The following FRAS1 variants were observed in gnomAD, a reference collection of about 807,000 sequenced individuals.
FRAS1 encodes Fraser extracellular matrix complex subunit 1.
FRAS1 carries 290 observed loss-of-function variants against 435.2 expected under a neutral mutation model. The observed-to-expected ratio is 0.67, with a 90% CI of 0.61 to 0.73. The LOEUF (loss-of-function observed/expected upper bound fraction) is 0.73, where lower values mean the gene tolerates loss of function less well. FRAS1 is among the 30% of genes least tolerant of loss of function. FRAS1 has a pLI of 0.00. For missense variants in FRAS1, 4,860 were observed against 5,001.5 expected (o/e 0.97, Z 0.85); for synonymous variants, 1,800 against 1,851.0 (o/e 0.97, Z 0.71).
At chr4:78,142,191 G>A (rs573421119) in intron 2 of FRAS1, among the ~76,000 whole-genome samples, 9 of 152,028 alleles carry the variant, frequency 5.9e-5, no homozygotes, top group South Asian at 4.2e-4. Flanking sequence ...CTAGACTTTC[G>A]TTTGAGAACT....
chr4:78,408,833 T>C (rs779985106), intron 31 of FRAS1, among the ~76,000 whole-genome samples: 17 of 152,100 alleles, frequency 1.1e-4, no homozygotes, highest in Non-Finnish European at 1.2e-4. Context: ...ACAAGAAGTA[T>C]ACTGCATAGG....
rs777174507 is a variant in FRAS1 at position 78,466,204 on chromosome 4, A to G, written c.7030-4A>G. On this transcript the variant is annotated splice_region_variant and splice_polypyrimidine_tract_variant and intron_variant, in intron 49 of 73. Transcript: ENST00000512123. ...TCCCCTCTGGTATTTTGCCTTCCGG[A>G]CAGGCCGAGTCTGTCACATTCACCA... 1.2e-6 allele frequency: 2 copies of G among 1,613,254 alleles called. No homozygotes were observed. Among genetic ancestry groups the G allele is most frequent in the Middle Eastern group, 1.7e-4 (1 of 6,056 alleles).
At chr4:78,154,170 G>T (rs1246846434) in intron 2 of FRAS1, among the ~76,000 whole-genome samples, 1 of 151,956 alleles carries the variant, frequency 6.6e-6, no homozygotes, top group African/African-American at 2.4e-5. Context: ...CTAATATATG[G>T]CATGTTCTTT....
intron 6 of FRAS1, among the ~76,000 whole-genome samples, chr4:78,260,708 C>CT (rs1480851666): frequency 2.0e-5 from 3 of 152,090 alleles, no homozygotes; most frequent in African/African-American, 7.2e-5. Flanking sequence ...CTTCTCCTGC[C>CT]TAATTACCCT....
intron 2 of FRAS1, among the ~76,000 whole-genome samples, chr4:78,231,916 T>G (rs1372161016): frequency 6.6e-6 from 1 of 152,206 alleles, no homozygotes; most frequent in Non-Finnish European, 1.5e-5. Flanking sequence ...CTTTTTAGGC[T>G]TGTCATAATC....
At chr4:78,470,885 T>C (rs932992575) in intron 51 of FRAS1, among the ~76,000 whole-genome samples, 14 of 152,294 alleles carry the variant, frequency 9.2e-5, no homozygotes, top group Admixed American at 3.9e-4. Flanking sequence ...AGAAATTGAA[T>C]ACATCCCTTG....
intron 14 of FRAS1, among the ~76,000 whole-genome samples, chr4:78,306,037 A>C (rs1469527982): frequency 6.7e-6 from 1 of 149,674 alleles, no homozygotes; most frequent in Non-Finnish European, 1.5e-5. Flanking sequence ...TTCCTTCAGG[A>C]GCTCTTTTAT....
chr4:78,138,315 T>C (rs1315331452), intron 2 of FRAS1, among the ~76,000 whole-genome samples: 1 of 152,200 alleles, frequency 6.6e-6, no homozygotes, highest in African/African-American at 2.4e-5. Context: ...AGGAAGGCCA[T>C]AGAAGCATTT....
rs187766388 is a variant in FRAS1, at chr4:78,075,261, G to C, written c.108+9245G>C. ...ACATGAAAACATGATCTCTGGAGGT[G>C]CTGCAACCATTAGAATACCTAGCTG... On this transcript the variant is annotated intron_variant, in intron 2 of 73. Transcript: ENST00000512123. 1.2e-3 allele frequency among the ~76,000 whole-genome samples: 189 copies of C among 152,250 alleles called. 3 individuals carry two copies. The highest frequency in any genetic ancestry group is 4.4e-3 in the African/African-American group (183 of 41,562).
chr4:78,472,843 G>A (rs138381102), intron 52 of FRAS1, among the ~76,000 whole-genome samples: 57 of 152,244 alleles, frequency 3.7e-4, no homozygotes, highest in African/African-American at 1.3e-3. Context: ...GGCTCCTCTA[G>A]ACTTTTTTCA....
chr4:78,073,629 C>A (rs1740475478), intron 2 of FRAS1, among the ~76,000 whole-genome samples: 1 of 151,974 alleles, frequency 6.6e-6, no homozygotes, highest in Non-Finnish European at 1.5e-5. Context: ...GTATAAATCC[C>A]CATAATAGAA....
intron 55 of FRAS1, 74 bp downstream of exon 55, chr4:78,478,135 C>A (rs960294715): frequency 2.8e-6 from 4 of 1,434,032 alleles, no homozygotes; most frequent in Non-Finnish European, 3.7e-6. Context: ...ATGTGCTAAG[C>A]ACTCATCTCA....
At chr4:78,419,504 T>C (rs965814366) in intron 33 of FRAS1, among the ~76,000 whole-genome samples, 2 of 152,160 alleles carry the variant, frequency 1.3e-5, no homozygotes, top group Non-Finnish European at 2.9e-5. Context: ...CATATTCAGT[T>C]CCTTCCCCGA....
intron 4 of FRAS1, among the ~76,000 whole-genome samples, chr4:78,249,320 A>AG (rs1204580549): frequency 2.7e-5 from 3 of 109,408 alleles, no homozygotes; most frequent in Admixed American, 1.2e-4. Flanking sequence ...CAAGCAGTGG[A>AG]GCCTTTTTTT....
At chr4:78,252,800 A>G (rs1725605010) in intron 5 of FRAS1, among the ~76,000 whole-genome samples, 1 of 152,168 alleles carries the variant, frequency 6.6e-6, no homozygotes, top group African/African-American at 2.4e-5. Flanking sequence ...AGATTTTAAA[A>G]GGAGAGGGGG....
chr4:78,217,494 G>A (rs116824101), intron 2 of FRAS1, among the ~76,000 whole-genome samples: 100 of 152,200 alleles, frequency 6.6e-4, no homozygotes, highest in African/African-American at 2.3e-3. Context: ...AGAGTGCCCT[G>A]GACCAGAGGT....
chr4:78,505,092 T>A (rs1157313561), intron 61 of FRAS1, among the ~76,000 whole-genome samples: 1 of 152,256 alleles, frequency 6.6e-6, no homozygotes, highest in African/African-American at 2.4e-5. Context: ...TGCCAGGAGA[T>A]CTGCTGTTAG....
At chr4:78,256,841 AACTGTGAGATCATTTAGAACCAT>A (rs144054329) in intron 6 of FRAS1, among the ~76,000 whole-genome samples, 1,524 of 152,292 alleles carry the variant, frequency 0.01, 23 homozygotes, top group African/African-American at 0.035. Context: ...AAAAAAACTC[AACTGTGAGATCATTTAGAACCAT>A]TTTTCTTGAT....
rs1036189431 is a variant in FRAS1, at chr4:78,376,014, A to G, written c.3292+135A>G. ...ATTTGGGAAAACCCATGGTGCTACT[A>G]AGGAGTAAGGGACTCTTTATAGAAT... is the stretch of plus-strand genomic sequence containing the variant. On this transcript the variant is annotated intron_variant, in intron 26 of 73. Coordinates refer to ENST00000512123, the MANE Select transcript of FRAS1 (RefSeq NM_025074.7). 4.5e-5 allele frequency: 42 copies of G among 935,744 alleles called. No homozygotes were observed. The African/African-American group carries it at 6.1e-4, about 14-fold the overall frequency. 58.0% of individuals were successfully genotyped at this position (935,744 alleles called of 1,614,324 possible). A position where few individuals can be genotyped will look rare whatever the true frequency, so the allele number is the denominator to read the frequency against.
Sources: gnomAD v4.1 joint callset for allele counts (sites outside exome capture counted in the v4.1 genomes callset) on GRCh38, gnomAD v4.1.1 for gene constraint, MANE v1.5 for transcripts, NCBI Gene and HGNC (gene_info 2026-07-23, HGNC 2026-07-21) for gene names.